Variants in VPS37A observed in about 807,000 individuals in gnomAD.
VPS37A encodes vacuolar protein sorting-associated protein 37A.
VPS37A carries 30 observed loss-of-function variants against 49.8 expected under a neutral mutation model. The observed-to-expected ratio is 0.60, with a 90% CI of 0.45 to 0.82. The LOEUF is 0.82. Among genes scored for constraint, VPS37A ranks in the 40% least tolerant of loss-of-function variants. The pLI, the probability that VPS37A is intolerant of heterozygous loss-of-function variation, is 0.00. For synonymous variants in VPS37A, 195 were observed against 160.6 expected (o/e 1.21, Z -1.62); for missense variants, 593 against 464.4 (o/e 1.28, Z -2.55).
chr8:17,313,715 C>T, the VPS37A span, among the ~76,000 whole-genome samples: 1 of 152,022 alleles, frequency 6.6e-6, no homozygotes, highest in East Asian at 1.9e-4. Flanking sequence ...ATTTGCCTTT[C>T]CAGCAAAGTA....
intron 1 of VPS37A, among the ~76,000 whole-genome samples, chr8:17,262,083 A>T (rs1813012121): frequency 6.6e-6 from 1 of 152,042 alleles, no homozygotes; most frequent in African/African-American, 2.4e-5. Context: ...TCGAGGGGAA[A>T]TTTTTTGTAT....
chr8:17,330,410 C>G, the VPS37A span, among the ~76,000 whole-genome samples: 1 of 152,210 alleles, frequency 6.6e-6, no homozygotes, highest in Non-Finnish European at 1.5e-5. Flanking sequence ...TTTCCCAGTT[C>G]GCAGAGCCGG....
chr8:17,274,083 A>C (rs899691858), intron 4 of VPS37A, among the ~76,000 whole-genome samples: 1 of 152,172 alleles, frequency 6.6e-6, no homozygotes, highest in African/African-American at 2.4e-5. Context: ...TTCTCTCTAA[A>C]ATTTGCTAAG....
At chr8:17,255,896 T>C (rs1812403424) in intron 1 of VPS37A, among the ~76,000 whole-genome samples, 1 of 152,226 alleles carries the variant, frequency 6.6e-6, no homozygotes, top group African/African-American at 2.4e-5. Context: ...GGGATAATAT[T>C]CTGTTGTGTA....
the VPS37A span, among the ~76,000 whole-genome samples, chr8:17,328,445 C>G: frequency 6.6e-5 from 10 of 152,246 alleles, no homozygotes; most frequent in East Asian, 1.9e-3. Flanking sequence ...AAGCCATTAT[C>G]CTCAGTAAAC....
At chr8:17,320,039 A>C in the VPS37A span, among the ~76,000 whole-genome samples, 1 of 152,142 alleles carries the variant, frequency 6.6e-6, no homozygotes, top group African/African-American at 2.4e-5. Context: ...AAATGCAAAA[A>C]CACTTCATTA....
chr8:17,302,678 A>G (rs1231135121), downstream of VPS37A, among the ~76,000 whole-genome samples: 2 of 136,600 alleles, frequency 1.5e-5, no homozygotes, highest in African/African-American at 5.3e-5. Flanking sequence ...ACGACCACTA[A>G]AAGTTGACAT....
At chr8:17,279,961 A>G in intron 6 of VPS37A, 67 bp from the exon 7 acceptor site, 1 of 1,600,492 alleles carries the variant, frequency 6.2e-7, no homozygotes, top group Non-Finnish European at 8.5e-7. Flanking sequence ...GAAAAATTGT[A>G]AATAGTTGTC....
chr8:17,302,459 C>T (rs879203956), downstream of VPS37A: 1 of 570,478 alleles, frequency 1.8e-6, no homozygotes, highest in Non-Finnish European at 2.9e-6. Flanking sequence ...TTTCTTGGGT[C>T]AGTAAATGCC....
chr8:17,268,751 C>T, intron 3 of VPS37A, 105 bp from the exon 4 acceptor site: 1 of 772,562 alleles, frequency 1.3e-6, no homozygotes, highest in Admixed American at 3.0e-5. Flanking sequence ...TCATTTAATT[C>T]TTGACCTGCA....
rs775939427 is a variant in VPS37A, at chr8:17,279,946, A to C, written c.714-82A>C. On this transcript the variant is annotated intron_variant, in intron 6 of 11. Transcript: ENST00000324849. ...TATTTAGAACCCTATCAGTTAACTA[A>C]AGCTGAAAAATTGTAAATAGTTGTC... The C allele has an allele frequency of 8.2e-6, 13 of 1,581,900 alleles. No individual in the cohort carries two copies. The African/African-American group carries it at 1.6e-4, about 20-fold the overall frequency.
the VPS37A span, among the ~76,000 whole-genome samples, chr8:17,316,052 G>A: frequency 2.8e-4 from 43 of 152,172 alleles, 1 homozygote; most frequent in East Asian, 6.4e-3. Context: ...TCGTGTTTTC[G>A]TGTCATCCTG....
At chr8:17,257,032 T>A (rs11784507) in intron 1 of VPS37A, among the ~76,000 whole-genome samples, 1 of 152,184 alleles carries the variant, frequency 6.6e-6, no homozygotes, top group Non-Finnish European at 1.5e-5. Context: ...TTCCTCAATG[T>A]TTTCTTCTAG....
chr8:17,265,723 C>CT, intron 1 of VPS37A, 184 bp from the exon 2 acceptor site: 1 of 1,480,912 alleles, frequency 6.8e-7, no homozygotes, highest in Admixed American at 2.0e-5. Flanking sequence ...TTACTGTGTG[C>CT]TTAGATGATG....
intron 6 of VPS37A, among the ~76,000 whole-genome samples, chr8:17,277,750 G>T (rs1006367338): frequency 6.6e-6 from 1 of 151,352 alleles, no homozygotes; most frequent in South Asian, 2.1e-4. Flanking sequence ...ATTTTTGTGG[G>T]CAGTTTGTTT....
At chr8:17,327,884 T>A in the VPS37A span, among the ~76,000 whole-genome samples, 1 of 152,238 alleles carries the variant, frequency 6.6e-6, no homozygotes, top group Non-Finnish European at 1.5e-5. Flanking sequence ...TTTTAAAAAA[T>A]TATGCTTTTT....
At chr8:17,261,845 T>C (rs1812990169) in intron 1 of VPS37A, among the ~76,000 whole-genome samples, 1 of 152,192 alleles carries the variant, frequency 6.6e-6, no homozygotes, top group Non-Finnish European at 1.5e-5. Context: ...ATAGGCACTC[T>C]GATTTGGTGT....
At chr8:17,261,528 C>T (rs62497354) in intron 1 of VPS37A, among the ~76,000 whole-genome samples, 4 of 152,314 alleles carry the variant, frequency 2.6e-5, no homozygotes, top group African/African-American at 4.8e-5. Flanking sequence ...TTGTTTCCTG[C>T]GGATGTGCGT....
chr8:17,284,391 A>AT, intron 9 of VPS37A, 82 bp from the exon 10 acceptor site: 1 of 1,473,942 alleles, frequency 6.8e-7, no homozygotes, highest in Non-Finnish European at 8.9e-7. Flanking sequence ...TTGCCTCTCC[A>AT]TACCACTACC....
Sources: gnomAD v4.1 joint callset for allele counts (sites outside exome capture counted in the v4.1 genomes callset) on GRCh38, gnomAD v4.1.1 for gene constraint, MANE v1.5 for transcripts, NCBI Gene and HGNC (gene_info 2026-07-23, HGNC 2026-07-21) for gene names.